ANAPC1: variants seen among roughly 807,000 people sequenced by gnomAD.
ANAPC1 encodes the protein anaphase-promoting complex subunit 1.
ANAPC1 carries 36 observed loss-of-function variants against 208.0 expected under a neutral mutation model. That is an observed-to-expected ratio of 0.17 (90% CI 0.13 to 0.23). The LOEUF is 0.23. ANAPC1 is among the 10% of genes least tolerant of loss of function. The pLI is 1.00. For missense variants in ANAPC1, 942 were observed against 2,011.6 expected, an observed-to-expected ratio of 0.47 and a Z score of 10.17; for synonymous variants, 378 against 695.2, an observed-to-expected ratio of 0.54 and a Z score of 7.18.
chr2:111,801,111 CT>C (rs1678419565), intron 33 of ANAPC1, among the ~76,000 whole-genome samples: 2 of 152,146 alleles, frequency 1.3e-5, no homozygotes, highest in Admixed American at 6.5e-5. Context: ...AATCCCAGCA[CT>C]TTGGGAGACC....
chr2:111,796,754 C>T lies in ANAPC1; in HGVS notation c.4297-1860G>A, dbSNP rs1441261409. ...TTTAAAAAAAAAATCCTCCTTTTAA[C>T]GCTAGGTTGCTCACTACAAGGAACC... is the stretch of plus-strand genomic sequence containing the variant. On this transcript the variant is annotated intron_variant, in intron 34 of 47. Coordinates refer to ENST00000341068, the MANE Select transcript of ANAPC1 (RefSeq NM_022662.4). 1.8e-5 allele frequency among the ~76,000 whole-genome samples: 2 copies of T among 113,752 alleles called. 1 individual carries two copies. The highest frequency in any genetic ancestry group is 5.1e-4 in the East Asian group (2 of 3,908). The allele number at this position is 113,752 out of a possible 152,430, so 74.6% of individuals were successfully genotyped here.
intron 28 of ANAPC1, among the ~76,000 whole-genome samples, chr2:111,810,371 A>C (rs1678911204): frequency 6.6e-6 from 1 of 152,074 alleles, no homozygotes; most frequent in South Asian, 2.1e-4. Context: ...TGGGGTGAAA[A>C]GATGTTCTAA....
chr2:111,843,595 T>C lies in ANAPC1; in HGVS notation c.1857A>G (p.Gln619=). The change falls in exon 17 of 48, where the codon CAA becomes CAG. Residue 619 remains glutamine (Q), a synonymous_variant. Transcript: ENST00000341068. ...TAAACTTAATTGCTTGCAAACACGT[T>C]TGTACTATTAAAAGCAAAGATTAAT... ...IPEIATSELV[Q]TCLQAIKFIL... is the part of the protein sequence containing the mutation. 2 of 1,608,928 alleles carry C rather than the reference T, an allele frequency of 1.2e-6. No individual in the cohort carries two copies. The highest frequency in any genetic ancestry group is 1.7e-6 in the Non-Finnish European group (2 of 1,177,990).
At chr2:111,833,715 C>T (rs73956891) in intron 19 of ANAPC1, among the ~76,000 whole-genome samples, 2,821 of 89,630 alleles carry the variant, frequency 0.031, 91 homozygotes, top group African/African-American at 0.1. Context: ...TGTAAAACAT[C>T]ATACACATTA....
chr2:111,849,855 A>T (rs58599252), intron 14 of ANAPC1, among the ~76,000 whole-genome samples: 1 of 150,228 alleles, frequency 6.7e-6, no homozygotes, highest in African/African-American at 2.4e-5. Context: ...CCAAAACCTC[A>T]TAACTCCTTT....
chr2:111,771,566 T>C (rs1328947622), intron 47 of ANAPC1, among the ~76,000 whole-genome samples: 1 of 151,102 alleles, frequency 6.6e-6, no homozygotes, highest in Non-Finnish European at 1.5e-5. Flanking sequence ...AAGCTCTCCC[T>C]GTTGTACTTC....
chr2:111,861,809 G>A (rs1400322847), intron 10 of ANAPC1, among the ~76,000 whole-genome samples: 1 of 117,896 alleles, frequency 8.5e-6, no homozygotes, highest in African/African-American at 3.0e-5. Context: ...TTTCCTCACG[G>A]ATGGAAATTA....
intron 20 of ANAPC1, 68 bp from the exon 21 acceptor site, chr2:111,831,502 C>T (rs958074069): frequency 2.4e-6 from 3 of 1,275,578 alleles, no homozygotes; most frequent in African/African-American, 1.5e-5. Flanking sequence ...TTATTTTAAA[C>T]GGAAGATGAT....
chr2:111,810,882 C>CAAA lies in ANAPC1; in HGVS notation c.3598-1704_3598-1702dup, dbSNP rs1162540899. ...TAGGTGACAGGGTGAGACTCCACAT[C>CAAA]AAAAAAAAAAAAAAAAAAAAAAAGA... On this transcript the variant is annotated intron_variant, in intron 28 of 47. Transcript: ENST00000341068. Among the ~76,000 whole-genome samples the CAAA allele has an allele frequency of 5.9e-3, 423 of 71,516 alleles. 12 individuals carry two copies. The highest frequency in any genetic ancestry group is 0.021 in the African/African-American group (319 of 15,426). 46.9% of individuals were successfully genotyped at this position (71,516 alleles called of 152,430 possible).
At chr2:111,827,013 A>C (rs1032006053) in intron 21 of ANAPC1, among the ~76,000 whole-genome samples, 4 of 145,562 alleles carry the variant, frequency 2.7e-5, no homozygotes, top group African/African-American at 1.0e-4. Flanking sequence ...ATCTTAAGTA[A>C]ATACGAAAGT....
Position 111,863,511 on chromosome 2 carries a change from C to CA in ANAPC1, c.1052+163dup, listed in dbSNP as rs372062409. On this transcript the variant is annotated intron_variant, in intron 9 of 47. Coordinates refer to ENST00000341068, the MANE Select transcript of ANAPC1 (RefSeq NM_022662.4). ...TGGGTGACACAGCAAGACTCCGTCT[C>CA]AAAAAAAAAAAAAAAAAAAAAGGCT... Among the ~76,000 whole-genome samples the CA allele has an allele frequency of 1.4e-3, 171 of 122,428 alleles. 1 individual carries two copies. Among genetic ancestry groups the CA allele is most frequent in the East Asian group, 5.0e-3 (21 of 4,160 alleles). 80.3% of individuals were successfully genotyped at this position (122,428 alleles called of 152,430 possible). A position where few individuals can be genotyped will look rare whatever the true frequency, so the allele number is the denominator to read the frequency against.
intron 47 of ANAPC1, among the ~76,000 whole-genome samples, chr2:111,771,711 A>G (rs1333469749): frequency 6.6e-6 from 1 of 151,794 alleles, no homozygotes; most frequent in Non-Finnish European, 1.5e-5. Context: ...CAAAACAGCA[A>G]AAAACTAGTA....
intron 34 of ANAPC1, among the ~76,000 whole-genome samples, chr2:111,797,993 CA>C (rs1678246939): frequency 1.6e-5 from 2 of 128,592 alleles, no homozygotes; most frequent in African/African-American, 3.2e-5. Context: ...AGAAAGATGG[CA>C]AAAGCTACAA....
intron 28 of ANAPC1, among the ~76,000 whole-genome samples, chr2:111,813,657 T>C (rs1679102617): frequency 1.3e-5 from 2 of 151,552 alleles, no homozygotes; most frequent in Admixed American, 6.6e-5. Flanking sequence ...TATCCTAATA[T>C]TGGAAGTACA....
intron 21 of ANAPC1, among the ~76,000 whole-genome samples, chr2:111,827,656 G>A (rs1281038489): frequency 2.6e-5 from 4 of 152,114 alleles, no homozygotes; most frequent in South Asian, 2.1e-4. Context: ...TCAGGAGGCC[G>A]AGGTGGAAGG....
At chr2:111,831,009 AC>A (rs1424177338) in intron 21 of ANAPC1, among the ~76,000 whole-genome samples, 1 of 152,212 alleles carries the variant, frequency 6.6e-6, no homozygotes, top group East Asian at 1.9e-4. Flanking sequence ...TGAATGAAAA[AC>A]CAACTATGGC....
At chr2:111,856,108 G>A (rs1287887389) in intron 13 of ANAPC1, among the ~76,000 whole-genome samples, 5 of 152,142 alleles carry the variant, frequency 3.3e-5, no homozygotes, top group South Asian at 2.1e-4. Flanking sequence ...GGTGGCAGGC[G>A]CCTATAGTCC....
At chr2:111,843,752 C>T (rs1021789986) in intron 16 of ANAPC1, among the ~76,000 whole-genome samples, 153 bp from the exon 17 acceptor site, 1 of 150,826 alleles carries the variant, frequency 6.6e-6, no homozygotes, top group African/African-American at 2.4e-5. Flanking sequence ...CAAACATTAC[C>T]TAACCAATCA....
intron 7 of ANAPC1, among the ~76,000 whole-genome samples, chr2:111,865,528 A>T (rs1470414827): frequency 6.6e-6 from 1 of 152,206 alleles, no homozygotes; most frequent in Non-Finnish European, 1.5e-5. Context: ...ATACTGAAAA[A>T]TTTTAAAATA....
Sources: gnomAD v4.1 joint callset for allele counts (sites outside exome capture counted in the v4.1 genomes callset) on GRCh38, gnomAD v4.1.1 for gene constraint, MANE v1.5 for transcripts, NCBI Gene and HGNC (gene_info 2026-07-23, HGNC 2026-07-21) for gene names.